The following IGSF21 variants were observed in gnomAD, a reference collection of about 807,000 sequenced individuals.
IGSF21 encodes immunoglobin superfamily member 21.
In IGSF21, 28 loss-of-function variants were observed where a neutral mutation model predicts 46.8. The ratio of observed to expected loss-of-function variants is 0.60; its 90% CI spans 0.44 to 0.82. The LOEUF (loss-of-function observed/expected upper bound fraction) is 0.82. Ranked by LOEUF, IGSF21 falls within the 40% of genes least tolerant of loss-of-function variation. The pLI, the probability that IGSF21 is intolerant of heterozygous loss-of-function variation, is 0.00. For missense variants in IGSF21, 624 were observed against 665.5 expected, an observed-to-expected ratio of 0.94 and a Z score of 0.69; for synonymous variants, 284 against 273.6, an observed-to-expected ratio of 1.04 and a Z score of -0.38.
At chr1:18,247,653 T>C (rs1395333067) in intron 2 of IGSF21, among the ~76,000 whole-genome samples, 1 of 152,162 alleles carries the variant, frequency 6.6e-6, no homozygotes, top group East Asian at 1.9e-4. Flanking sequence ...GACATCACTC[T>C]GGCAAGGGCT....
chr1:18,136,627 G>T (rs1027371160), intron 1 of IGSF21, among the ~76,000 whole-genome samples: 2 of 152,082 alleles, frequency 1.3e-5, no homozygotes, highest in African/African-American at 2.4e-5. Context: ...TATCTCTTTT[G>T]GTACCAGTAC....
rs2086108788 is a variant in IGSF21 at position 18,108,136 on chromosome 1, C to A, written c.8C>A (p.Thr3Asn). Residue 3 changes from threonine (T) to asparagine (N), a missense_variant, in exon 1 of 10, where the codon ACC becomes AAC. Coordinates refer to ENST00000251296, the MANE Select transcript of IGSF21 (RefSeq NM_032880.5). MR[T>N]APSLRRCVCL... ...CGCCAGCTCCCGGGCACCATGCGAA[C>A]CGCCCCGAGCCTCCGCCGCTGCGTC... is the stretch of plus-strand genomic sequence containing the variant. 4 of 1,424,254 alleles carry A rather than the reference C, an allele frequency of 2.8e-6. No individual in the cohort carries two copies. The highest frequency in any genetic ancestry group is 2.6e-5 in the Admixed American group (1 of 38,828). 88.2% of individuals were successfully genotyped at this position (1,424,254 alleles called of 1,614,324 possible).
At chr1:18,200,991 G>A (rs939154325) in intron 1 of IGSF21, among the ~76,000 whole-genome samples, 1 of 152,266 alleles carries the variant, frequency 6.6e-6, no homozygotes, top group African/African-American at 2.4e-5. Flanking sequence ...CATGAGACAG[G>A]GGCCACACTA....
chr1:18,363,769 G>T (rs1317032340), intron 5 of IGSF21, among the ~76,000 whole-genome samples: 1 of 147,026 alleles, frequency 6.8e-6, no homozygotes, highest in African/African-American at 2.5e-5. Context: ...GGGTAGAGGT[G>T]CAGAGGCACA....
chr1:18,315,128 A>C (rs1251201683), intron 3 of IGSF21, among the ~76,000 whole-genome samples: 1 of 151,900 alleles, frequency 6.6e-6, no homozygotes, highest in Non-Finnish European at 1.5e-5. Context: ...CGGGGATAGG[A>C]GAGGATCTCA....
At chr1:18,158,933 C>A (rs2086591553) in intron 1 of IGSF21, among the ~76,000 whole-genome samples, 1 of 152,148 alleles carries the variant, frequency 6.6e-6, no homozygotes, top group Non-Finnish European at 1.5e-5. Context: ...ATGGGCGTTA[C>A]CCCCAGAGGT....
chr1:18,341,290 C>A (rs2085838814), intron 4 of IGSF21, among the ~76,000 whole-genome samples: 1 of 152,024 alleles, frequency 6.6e-6, no homozygotes, highest in Non-Finnish European at 1.5e-5. Flanking sequence ...GGACATCAGT[C>A]ATTGAATTAG....
intron 5 of IGSF21, among the ~76,000 whole-genome samples, chr1:18,364,156 A>C (rs1404616641): frequency 6.6e-6 from 1 of 152,118 alleles, no homozygotes; most frequent in Non-Finnish European, 1.5e-5. Context: ...TAGACATGCA[A>C]AAGAACCTCA....
chr1:18,197,348 G>A lies in IGSF21; in HGVS notation c.71-30550G>A, dbSNP rs575628934. Reference sequence around the variant, plus strand: ...TCCCTTGGATGCACAAGGTACAAGAGTCCAAGAGGGAGGCTGACCTCGGAT... The same window carrying A: ...TCCCTTGGATGCACAAGGTACAAGAATCCAAGAGGGAGGCTGACCTCGGAT... On this transcript the variant is annotated intron_variant, in intron 1 of 9. Coordinates refer to ENST00000251296, the MANE Select transcript of IGSF21 (RefSeq NM_032880.5). 2.1e-4 allele frequency among the ~76,000 whole-genome samples: 32 copies of A among 152,304 alleles called. No individual in the cohort carries two copies. In the South Asian group the frequency reaches 6.4e-3, roughly 31 times the overall value.
intron 1 of IGSF21, among the ~76,000 whole-genome samples, chr1:18,208,904 G>T (rs1409168060): frequency 2.6e-5 from 4 of 152,178 alleles, no homozygotes; most frequent in African/African-American, 9.7e-5. Context: ...CTGAGAACGT[G>T]TAGCCAGATG....
chr1:18,298,644 GA>G (rs374369060), intron 3 of IGSF21, among the ~76,000 whole-genome samples: 1 of 152,108 alleles, frequency 6.6e-6, no homozygotes, highest in African/African-American at 2.4e-5. Flanking sequence ...TGGAGTAAAT[GA>G]AAAAAAGAGG....
intron 1 of IGSF21, among the ~76,000 whole-genome samples, chr1:18,173,904 C>T (rs187227988): frequency 8.6e-4 from 131 of 152,246 alleles, no homozygotes; most frequent in African/African-American, 3.0e-3. Flanking sequence ...CAGGCGAGTG[C>T]CACCACGCCC....
At chr1:18,140,862 C>T (rs1019777923) in intron 1 of IGSF21, among the ~76,000 whole-genome samples, 4 of 152,342 alleles carry the variant, frequency 2.6e-5, no homozygotes, top group Admixed American at 2.6e-4. Context: ...TTCTTTGAGG[C>T]CTGAGACCAC....
intron 2 of IGSF21, among the ~76,000 whole-genome samples, chr1:18,239,758 C>T (rs573810619): frequency 3.9e-5 from 6 of 152,148 alleles, no homozygotes; most frequent in Middle Eastern, 3.2e-3. Flanking sequence ...TGTTGCCCCC[C>T]CTCCCCGCCA....
intron 1 of IGSF21, among the ~76,000 whole-genome samples, chr1:18,221,725 G>A (rs372873964): frequency 6.6e-6 from 1 of 152,282 alleles, no homozygotes; most frequent in South Asian, 2.1e-4. Context: ...TCTCGATACC[G>A]CGCTTAGTGG....
chr1:18,117,032 G>A (rs2086194998), intron 1 of IGSF21, among the ~76,000 whole-genome samples: 1 of 152,212 alleles, frequency 6.6e-6, no homozygotes, highest in African/African-American at 2.4e-5. Flanking sequence ...CTGGATTTGA[G>A]CCCATGGGCT....
At chr1:18,172,688 C>G (rs993207993) in intron 1 of IGSF21, among the ~76,000 whole-genome samples, 2 of 152,206 alleles carry the variant, frequency 1.3e-5, no homozygotes, top group African/African-American at 4.8e-5. Context: ...TCTAAAACCC[C>G]TACCTGCAAA....
rs189381547 is a variant in IGSF21 at position 18,203,428 on chromosome 1, C to T, written c.71-24470C>T. Reference sequence around the variant, plus strand: ...GGTTCAAGCGATTCTTGTGCCTCAGCCTCCTCAGTAGCTGAGACTACAGGT... The same window carrying T: ...GGTTCAAGCGATTCTTGTGCCTCAGTCTCCTCAGTAGCTGAGACTACAGGT... On this transcript the variant is annotated intron_variant, in intron 1 of 9. Coordinates refer to ENST00000251296, the MANE Select transcript of IGSF21 (RefSeq NM_032880.5). Among the ~76,000 whole-genome samples, 629 of 152,326 alleles carry T rather than the reference C, an allele frequency of 4.1e-3. 23 individuals are homozygous for T. In the South Asian group the frequency reaches 0.08, roughly 19 times the overall value.
In IGSF21 at chr1:18,203,853, G is replaced by A. The variant is rs575677136; in HGVS notation, c.71-24045G>A. ...GCTTTGTAGTCCACAGGGCAAAATC[G>A]AAACTGTTATGTGGGTATTTGTATA... On this transcript the variant is annotated intron_variant, in intron 1 of 9. Coordinates refer to ENST00000251296, the MANE Select transcript of IGSF21 (RefSeq NM_032880.5). Among the ~76,000 whole-genome samples, 31 of 152,312 alleles carry A rather than the reference G, an allele frequency of 2.0e-4. No homozygotes were observed. In the South Asian group the frequency reaches 5.8e-3, roughly 29 times the overall value.
Sources: gnomAD v4.1 joint callset for allele counts (sites outside exome capture counted in the v4.1 genomes callset) on GRCh38, gnomAD v4.1.1 for gene constraint, MANE v1.5 for transcripts, NCBI Gene and HGNC (gene_info 2026-07-23, HGNC 2026-07-21) for gene names.